The following MMP16 variants were observed in gnomAD, a reference collection of about 807,000 sequenced individuals.
MMP16 encodes matrix metallopeptidase 16.
In MMP16, 12 loss-of-function variants were observed where a neutral mutation model predicts 67.8. The ratio of observed to expected loss-of-function variants is 0.18; its 90% CI spans 0.11 to 0.29. MMP16 has a LOEUF of 0.29. Ranked by LOEUF, MMP16 falls within the 10% of genes least tolerant of loss-of-function variation. The pLI is 1.00. For missense variants in MMP16, 475 were observed against 765.7 expected (o/e 0.62, Z 4.48); for synonymous variants, 249 against 255.9 (o/e 0.97, Z 0.26).
intron 1 of MMP16, among the ~76,000 whole-genome samples, chr8:88,247,720 T>C (rs946108377): frequency 6.6e-6 from 1 of 152,136 alleles, no homozygotes; most frequent in African/African-American, 2.4e-5. Flanking sequence ...ATAGGCAATG[T>C]ATTAACATAG....
At chr8:88,283,993 T>C (rs776950010) in intron 1 of MMP16, among the ~76,000 whole-genome samples, 11 of 152,214 alleles carry the variant, frequency 7.2e-5, no homozygotes, top group Non-Finnish European at 1.3e-4. Flanking sequence ...CTGGTGATAA[T>C]TGTTAACAAT....
intron 1 of MMP16, among the ~76,000 whole-genome samples, chr8:88,320,528 T>C (rs1373925073): frequency 6.6e-6 from 1 of 152,188 alleles, no homozygotes; most frequent in East Asian, 1.9e-4. Flanking sequence ...AGAACATTTT[T>C]CCCTAAAGTG....
chr8:88,168,075 T>C, intron 3 of MMP16, 102 bp from the exon 4 acceptor site: 3 of 814,088 alleles, frequency 3.7e-6, no homozygotes, highest in Non-Finnish European at 1.9e-6. Context: ...AAAATAGTCA[T>C]ATTAAATAGG....
At chr8:88,105,471 A>T (rs1809222106) in intron 6 of MMP16, among the ~76,000 whole-genome samples, 2 of 151,518 alleles carry the variant, frequency 1.3e-5, no homozygotes. Context: ...AGTTTCTTTA[A>T]AATAGACATG....
chr8:88,306,766 G>A (rs1811217509), intron 1 of MMP16, among the ~76,000 whole-genome samples: 1 of 152,036 alleles, frequency 6.6e-6, no homozygotes, highest in African/African-American at 2.4e-5. Context: ...ACTAGGTATT[G>A]AAGAAATACA....
chr8:88,197,329 T>G, intron 1 of MMP16, 23 bp from the exon 2 acceptor site: 1 of 1,521,020 alleles, frequency 6.6e-7, no homozygotes, highest in African/African-American at 1.4e-5. Flanking sequence ...GTACAGTTTC[T>G]TTTAGATCAA....
intron 4 of MMP16, among the ~76,000 whole-genome samples, chr8:88,160,376 G>C (rs1177363097): frequency 1.3e-5 from 2 of 151,834 alleles, no homozygotes; most frequent in African/African-American, 4.8e-5. Flanking sequence ...TATCATTGTT[G>C]GACATTTGGG....
intron 4 of MMP16, 102 bp downstream of exon 4, chr8:88,167,567 T>C: frequency 1.7e-6 from 2 of 1,177,506 alleles, no homozygotes; most frequent in Non-Finnish European, 2.3e-6. Context: ...ATTTTAAAAG[T>C]AAATTTAGGA....
intron 4 of MMP16, among the ~76,000 whole-genome samples, chr8:88,147,777 T>TTGTGTGTGTG (rs55829907): frequency 6.7e-6 from 1 of 149,198 alleles, no homozygotes; most frequent in South Asian, 2.1e-4. Context: ...AAATATGTGT[T>TTGTGTGTGTG]TGTGTGTGTG....
At chr8:88,100,529 G>C (rs1193767509) in intron 6 of MMP16, among the ~76,000 whole-genome samples, 1 of 151,960 alleles carries the variant, frequency 6.6e-6, no homozygotes, top group East Asian at 1.9e-4. Flanking sequence ...ACTGTTGATG[G>C]GACTGTAAAC....
At position 88,236,752 on chromosome 8, in the gene MMP16, CAACAACAAACAGAAGA is replaced by C. The variant is rs1809947581; in HGVS notation, c.133-39462_133-39447del. Among the ~76,000 whole-genome samples, 21 of 137,940 alleles carry C rather than the reference CAACAACAAACAGAAGA, an allele frequency of 1.5e-4. 7 individuals carry two copies. Among genetic ancestry groups the C allele is most frequent in the East Asian group, 5.5e-4 (2 of 3,646 alleles). 90.5% of individuals were successfully genotyped at this position (137,940 alleles called of 152,430 possible). A position where few individuals can be genotyped will look rare whatever the true frequency, so the allele number is the denominator to read the frequency against. On this transcript the variant is annotated intron_variant, in intron 1 of 9. Coordinates refer to ENST00000286614, the MANE Select transcript of MMP16 (RefSeq NM_005941.5). ...TAAAAAGCGAGACTCTGAAAAATAA[CAACAACAAACAGAAGA>C]CCAGCCCTATGATCAAAGCTTTTCA...
intron 1 of MMP16, among the ~76,000 whole-genome samples, chr8:88,227,117 C>CATA (rs1424540643): frequency 4.0e-5 from 6 of 151,840 alleles, no homozygotes; most frequent in Non-Finnish European, 7.4e-5. Context: ...GATTAAAATA[C>CATA]ATAATAATGA....
chr8:88,135,883 C>T (rs1223471352), intron 4 of MMP16, among the ~76,000 whole-genome samples: 2 of 151,778 alleles, frequency 1.3e-5, no homozygotes, highest in African/African-American at 2.4e-5. Flanking sequence ...GGGTTTGGAA[C>T]TCTCGAAGAA....
chr8:88,047,922 T>C (rs1808219699), intron 8 of MMP16, among the ~76,000 whole-genome samples: 1 of 152,116 alleles, frequency 6.6e-6, no homozygotes, highest in South Asian at 2.1e-4. Context: ...TCAATAGCTA[T>C]AGGACTGATG....
chr8:88,105,260 C>G (rs1176245211), intron 6 of MMP16, among the ~76,000 whole-genome samples: 1 of 150,088 alleles, frequency 6.7e-6, no homozygotes. Flanking sequence ...AAATTTTTTC[C>G]TACTGGCCAA....
At chr8:88,219,322 T>C (rs1170885082) in intron 1 of MMP16, among the ~76,000 whole-genome samples, 1 of 151,644 alleles carries the variant, frequency 6.6e-6, no homozygotes, top group Non-Finnish European at 1.5e-5. Context: ...ATGTTAATTA[T>C]GAACCTCCTA....
At chr8:88,258,633 G>A (rs1810341460) in intron 1 of MMP16, among the ~76,000 whole-genome samples, 1 of 152,196 alleles carries the variant, frequency 6.6e-6, no homozygotes, top group South Asian at 2.1e-4. Context: ...CTGATGCACT[G>A]TAAATGTTAA....
intron 4 of MMP16, among the ~76,000 whole-genome samples, chr8:88,165,178 T>TAAA (rs11325157): frequency 8.5e-4 from 81 of 94,772 alleles, no homozygotes; most frequent in Non-Finnish European, 9.5e-4. Flanking sequence ...ACCCCATCTC[T>TAAA]AAAAAAAAAA....
intron 1 of MMP16, among the ~76,000 whole-genome samples, chr8:88,255,752 A>T (rs1810290784): frequency 6.6e-6 from 1 of 152,164 alleles, no homozygotes; most frequent in African/African-American, 2.4e-5. Flanking sequence ...TAGGGATTTT[A>T]TATAGGTGCA....
Sources: gnomAD v4.1 joint callset for allele counts (sites outside exome capture counted in the v4.1 genomes callset) on GRCh38, gnomAD v4.1.1 for gene constraint, MANE v1.5 for transcripts, NCBI Gene and HGNC (gene_info 2026-07-23, HGNC 2026-07-21) for gene names.